Variants in SERPINB7 observed in about 807,000 individuals in gnomAD.
SERPINB7 encodes serpin family B member 7.
Under a neutral mutation model 37.4 loss-of-function variants are expected in SERPINB7, and 31 were observed. The ratio of observed to expected loss-of-function variants is 0.83; its 90% CI spans 0.62 to 1.12. SERPINB7 has a LOEUF of 1.12. SERPINB7 is among the 50% of genes most tolerant of loss of function. SERPINB7 has a pLI of 0.00. For missense variants in SERPINB7, 521 were observed against 455.3 expected (o/e 1.14, Z -1.31); for synonymous variants, 163 against 166.1 (o/e 0.98, Z 0.14).
chr18:63,800,145 T>C (rs2049532172), intron 6 of SERPINB7, among the ~76,000 whole-genome samples: 1 of 151,988 alleles, frequency 6.6e-6, no homozygotes, highest in African/African-American at 2.4e-5. Flanking sequence ...CCTTGACCTC[T>C]TGGGCTCAGG....
chr18:63,772,079 G>A (rs115132622), upstream of SERPINB7, among the ~76,000 whole-genome samples: 25 of 151,946 alleles, frequency 1.6e-4, no homozygotes, highest in Admixed American at 4.6e-4. Context: ...GGTAATAAGC[G>A]TACACTTGAG....
upstream of SERPINB7, among the ~76,000 whole-genome samples, chr18:63,773,956 T>A (rs942290886): frequency 6.6e-6 from 1 of 152,252 alleles, no homozygotes; most frequent in East Asian, 1.9e-4. Flanking sequence ...TTTTACCTAT[T>A]GACCATTTCA....
chr18:63,760,957 A>C (rs2049150105), intron 1 of SERPINB7, among the ~76,000 whole-genome samples: 1 of 152,252 alleles, frequency 6.6e-6, no homozygotes, highest in Admixed American at 6.5e-5. Context: ...TGAAGCCCCC[A>C]CATAGAGTCC....
intron 1 of SERPINB7, among the ~76,000 whole-genome samples, chr18:63,775,931 G>C (rs2049242826): frequency 6.6e-6 from 1 of 152,076 alleles, no homozygotes; most frequent in Admixed American, 6.5e-5. Flanking sequence ...ATGTGCTTGG[G>C]TTTGGATTCT....
rs192494694 is a variant in SERPINB7 at position 63,755,462 on chromosome 18, T to A, written c.-19+2342T>A. ...TCTTTCTACTGGCCTTCTTTTTTCA[T>A]AACTAGTTTGTTTCAGTAGCAGACA... On this transcript the variant is annotated intron_variant, in intron 1 of 7. Transcript: ENST00000336429. 1.7e-3 allele frequency among the ~76,000 whole-genome samples: 252 copies of A among 152,316 alleles called. 2 individuals carry two copies. The highest frequency in any genetic ancestry group is 1.5e-3 in the Non-Finnish European group (100 of 68,028).
chr18:63,756,804 TTGTG>T (rs74169985), intron 1 of SERPINB7, among the ~76,000 whole-genome samples: 11,240 of 137,276 alleles, frequency 0.082, 1,045 homozygotes, highest in African/African-American at 0.23. Flanking sequence ...TTGGGGTAGC[TTGTG>T]TGTGTGTGTG....
intron 2 of SERPINB7, among the ~76,000 whole-genome samples, chr18:63,789,061 A>G (rs776106749): frequency 2.0e-5 from 3 of 152,250 alleles, no homozygotes; most frequent in East Asian, 1.9e-4. Context: ...ATTATATTTT[A>G]TAACTTATAT....
At chr18:63,758,701 A>G (rs2049135502) in intron 1 of SERPINB7, among the ~76,000 whole-genome samples, 1 of 152,206 alleles carries the variant, frequency 6.6e-6, no homozygotes, top group Admixed American at 6.5e-5. Flanking sequence ...CTTAAAAAGG[A>G]AATCCTCACG....
intron 2 of SERPINB7, among the ~76,000 whole-genome samples, chr18:63,786,676 T>C (rs1701640): frequency 0.17 from 26,519 of 152,030 alleles, 3,680 homozygotes; most frequent in East Asian, 0.5. Context: ...CTGTATAGAC[T>C]CATGATTTTC....
At chr18:63,783,270 GAAAGAAAGAAAGA>G (rs2049331160) in intron 2 of SERPINB7, among the ~76,000 whole-genome samples, 1 of 149,586 alleles carries the variant, frequency 6.7e-6, no homozygotes, top group African/African-American at 2.5e-5. Flanking sequence ...AAGAAAGAAA[GAAAGAAAGAAAGA>G]AAGAAAGAAA....
At chr18:63,765,533 A>G (rs918411718) in intron 1 of SERPINB7, among the ~76,000 whole-genome samples, 1 of 152,126 alleles carries the variant, frequency 6.6e-6, no homozygotes, top group African/African-American at 2.4e-5. Context: ...ATATTTCACT[A>G]GCTTCCCTTC....
intron 2 of SERPINB7, among the ~76,000 whole-genome samples, chr18:63,786,437 CA>C (rs1410174566): frequency 6.6e-6 from 1 of 151,486 alleles, no homozygotes; most frequent in Non-Finnish European, 1.5e-5. Context: ...GTTTGGATTA[CA>C]ATATTATTTA....
At chr18:63,784,617 A>G (rs922661245) in intron 2 of SERPINB7, among the ~76,000 whole-genome samples, 3 of 152,236 alleles carry the variant, frequency 2.0e-5, no homozygotes, top group African/African-American at 4.8e-5. Flanking sequence ...ATTTGGTATC[A>G]TGGAAACATA....
At chr18:63,780,691 T>C (rs1041728654) in intron 1 of SERPINB7, among the ~76,000 whole-genome samples, 1 of 152,196 alleles carries the variant, frequency 6.6e-6, no homozygotes, top group Non-Finnish European at 1.5e-5. Context: ...AGAGTAAAGA[T>C]ATGTGGGGTG....
chr18:63,792,521 G>C, intron 3 of SERPINB7, 78 bp downstream of exon 3: 2 of 941,088 alleles, frequency 2.1e-6, no homozygotes, highest in Non-Finnish European at 3.4e-6. Context: ...CCAGAACTTT[G>C]GAAGGCTGAG....
chr18:63,763,882 G>A (rs983290126), intron 1 of SERPINB7, among the ~76,000 whole-genome samples: 6 of 152,108 alleles, frequency 3.9e-5, no homozygotes, highest in Non-Finnish European at 7.3e-5. Flanking sequence ...ATTTCACCAT[G>A]CTATTCTTTG....
chr18:63,785,083 T>A (rs2049350830), intron 2 of SERPINB7, among the ~76,000 whole-genome samples: 1 of 152,204 alleles, frequency 6.6e-6, no homozygotes, highest in Admixed American at 6.5e-5. Context: ...ACTATTATGA[T>A]CTTGCATGAA....
chr18:63,765,238 T>C (rs769547261), intron 1 of SERPINB7, among the ~76,000 whole-genome samples: 1 of 152,176 alleles, frequency 6.6e-6, no homozygotes, highest in Non-Finnish European at 1.5e-5. Flanking sequence ...ACCAAAGCCA[T>C]AAGTCCAGAT....
intron 1 of SERPINB7, among the ~76,000 whole-genome samples, chr18:63,761,522 T>G (rs1168926106): frequency 6.6e-6 from 1 of 152,134 alleles, no homozygotes; most frequent in Non-Finnish European, 1.5e-5. Context: ...ACATGAGATT[T>G]GGAGGGGCCA....
Sources: allele counts gnomAD v4.1 joint callset (sites outside exome capture counted in the v4.1 genomes callset), GRCh38; gene constraint gnomAD v4.1.1; transcripts MANE v1.5; gene names NCBI Gene and HGNC (gene_info 2026-07-23, HGNC 2026-07-21).